Variants in GMPS observed in about 807,000 individuals in gnomAD.
GMPS encodes the protein GMP synthase [glutamine-hydrolyzing].
Under a neutral mutation model 77.9 loss-of-function variants are expected in GMPS, and 15 were observed. The ratio of observed to expected loss-of-function variants is 0.19; its 90% CI spans 0.13 to 0.30. GMPS has a LOEUF of 0.30. GMPS is among the 10% of genes least tolerant of loss of function. GMPS has a pLI of 1.00. For missense variants in GMPS, 590 were observed against 838.8 expected (o/e 0.70, Z 3.66); for synonymous variants, 224 against 275.9 (o/e 0.81, Z 1.86).
At position 155,939,171 on chromosome 3, in the gene GMPS, C is replaced by A. The variant is rs1214099648; in HGVS notation, c.*1479C>A. The A allele has an allele frequency of 9.1e-6, 2 of 219,992 alleles. No individual in the cohort carries two copies. Among genetic ancestry groups the A allele is most frequent in the African/African-American group, 4.5e-5 (2 of 44,580 alleles). 13.6% of individuals were successfully genotyped at this position (219,992 alleles called of 1,614,324 possible). ...GTCCCCAAGACAAAGGGGTACTTGA[C>A]TCCTACAAAACTTAAAGGGTACATT... On this transcript the variant is annotated 3_prime_UTR_variant, in exon 16 of 16. Transcript: ENST00000496455.
At chr3:155,878,481 C>G (rs1275279613) in intron 1 of GMPS, among the ~76,000 whole-genome samples, 1 of 152,086 alleles carries the variant, frequency 6.6e-6, no homozygotes, top group Non-Finnish European at 1.5e-5. Context: ...AAGTTTTTAT[C>G]TAGACAAAAG....
At chr3:155,922,124 A>G in intron 10 of GMPS, 63 bp from the exon 11 acceptor site, 1 of 667,680 alleles carries the variant, frequency 1.5e-6, no homozygotes, top group East Asian at 3.3e-5. Context: ...GCATTTTTAT[A>G]TTAGATTTTT....
Position 155,941,089 on chromosome 3 carries a change from G to A in GMPS, c.*3397G>A, listed in dbSNP as rs2108160816. 1 of 186,434 alleles carries A rather than the reference G, an allele frequency of 5.4e-6. No homozygotes were observed. The highest frequency in any genetic ancestry group is 8.6e-5 in the East Asian group (1 of 11,618). The allele number at this position is 186,434 out of a possible 1,614,324, so 11.5% of individuals were successfully genotyped here. A position where few individuals can be genotyped will look rare whatever the true frequency, so the allele number is the denominator to read the frequency against. ...CTGCATGGAAGAGGAAATGCTCTAG[G>A]GCCCTTCAGGGCAAATCTTAAAAGG... is the stretch of plus-strand genomic sequence containing the variant. On this transcript the variant is annotated 3_prime_UTR_variant, in exon 16 of 16. Coordinates refer to ENST00000496455, the MANE Select transcript of GMPS (RefSeq NM_003875.3).
rs1464194620 is a variant in GMPS, at chr3:155,910,857, A to C, written c.692A>C (p.Lys231Thr). The C allele has an allele frequency of 6.3e-7, 1 of 1,596,102 alleles. No individual in the cohort carries two copies. Among genetic ancestry groups the C allele is most frequent in the South Asian group, 1.1e-5 (1 of 86,996 alleles). The change falls in exon 6 of 16, where the codon AAA becomes ACA. Residue 231 changes from lysine to threonine, a missense_variant. Physicochemically the swap from Lys to Thr is moderately conservative, Grantham distance 78. Around this residue, in one of 6 missense-constraint regions of GMPS, gnomAD observed 181 missense variants for 186.8 expected, o/e 0.97. Transcript: ENST00000496455. ...NRELECIREI[K>T]ERVGTSKVLV... Reference sequence around the variant, plus strand: ...GAACTTGAGTGTATTCGAGAGATCAAAGAGAGAGTAGGCACGTCAAAAGTT... The same window carrying C: ...GAACTTGAGTGTATTCGAGAGATCACAGAGAGAGTAGGCACGTCAAAAGTT...
intron 1 of GMPS, among the ~76,000 whole-genome samples, chr3:155,876,513 G>T (rs1401954646): frequency 1.3e-5 from 2 of 152,200 alleles, no homozygotes; most frequent in African/African-American, 4.8e-5. Flanking sequence ...TAAGGTGAAA[G>T]TTTAACAAAC....
At position 155,939,382 on chromosome 3, in the gene GMPS, T is replaced by C. The variant is rs563305223; in HGVS notation, c.*1690T>C. On this transcript the variant is annotated 3_prime_UTR_variant, in exon 16 of 16. Transcript: ENST00000496455. ...AAAAATTTCTAGCCACAGTGTCTTA[T>C]GATTTTGTATTGAAGCAAACAGTAG... is the stretch of plus-strand genomic sequence containing the variant. The C allele has an allele frequency of 2.4e-5, 5 of 207,626 alleles. No individual in the cohort carries two copies. Among genetic ancestry groups the C allele is most frequent in the African/African-American group, 4.5e-5 (2 of 44,090 alleles). The allele number at this position is 207,626 out of a possible 1,614,324, so 12.9% of individuals were successfully genotyped here. A position where few individuals can be genotyped will look rare whatever the true frequency, so the allele number is the denominator to read the frequency against.
chr3:155,911,393 A>C (rs1252719576), intron 7 of GMPS, 114 bp downstream of exon 7: 1 of 600,226 alleles, frequency 1.7e-6, no homozygotes, highest in Non-Finnish European at 2.7e-6. Flanking sequence ...CAAGGTTGAA[A>C]ATGTTTTTTA....
chr3:155,940,746 T>TTG lies in GMPS; in HGVS notation c.*3055_*3056insGT, dbSNP rs1553789743. ...AATGGAGAAGCTGGATAGTGTTTTT[T>TTG]TTTTTTTTTTTTAAGGTTCTTTTAT... On this transcript the variant is annotated 3_prime_UTR_variant, in exon 16 of 16. Coordinates refer to ENST00000496455, the MANE Select transcript of GMPS (RefSeq NM_003875.3). The TTG allele has an allele frequency of 4.5e-6, 1 of 222,284 alleles. No individual in the cohort carries two copies. Among genetic ancestry groups the TTG allele is most frequent in the African/African-American group, 2.2e-5 (1 of 44,568 alleles). 13.8% of individuals were successfully genotyped at this position (222,284 alleles called of 1,614,324 possible).
intron 1 of GMPS, among the ~76,000 whole-genome samples, chr3:155,891,408 G>T (rs143371605): frequency 1.3e-5 from 2 of 152,170 alleles, no homozygotes; most frequent in Non-Finnish European, 2.9e-5. Context: ...AGGGGTGTGT[G>T]TATGTGTATA....
At position 155,898,000 on chromosome 3, in the gene GMPS, A is replaced by T; in HGVS notation, c.283A>T (p.Thr95Ser). ...TCCCTGGTTTGATCCAGCAATATTC[A>T]CTATTGGCAAGCCTGTTCTTGGAAT... is the stretch of plus-strand genomic sequence containing the variant. The part of the protein sequence containing the change: ...DAPWFDPAIF[T>S]IGKPVLGICY... The change falls in exon 3 of 16, where the codon ACT becomes TCT. Residue 95 changes from threonine (T) to serine (S), a missense_variant. Coordinates refer to ENST00000496455, the MANE Select transcript of GMPS (RefSeq NM_003875.3). 6.2e-7 allele frequency: 1 copy of T among 1,610,654 alleles called. No homozygotes were observed. Among genetic ancestry groups the T allele is most frequent in the Non-Finnish European group, 8.5e-7 (1 of 1,176,920 alleles).
chr3:155,939,597 A>T lies in GMPS; in HGVS notation c.*1905A>T, dbSNP rs568475015. 2.5e-4 allele frequency: 49 copies of T among 198,452 alleles called. No individual in the cohort carries two copies. Among genetic ancestry groups the T allele is most frequent in the Middle Eastern group, 3.5e-3 (2 of 576 alleles). The allele number at this position is 198,452 out of a possible 1,614,324, so 12.3% of individuals were successfully genotyped here. On this transcript the variant is annotated 3_prime_UTR_variant, in exon 16 of 16. Coordinates refer to ENST00000496455, the MANE Select transcript of GMPS (RefSeq NM_003875.3). ...TTCTGAAGTTAAAAACAATTGTTAAATTCTGCTTAAATTAGTGTTTTCCTG... is the reference window on the plus strand; with the variant it reads ...TTCTGAAGTTAAAAACAATTGTTAATTTCTGCTTAAATTAGTGTTTTCCTG...
In GMPS at chr3:155,942,125, G is replaced by A. The variant is rs1418359266; in HGVS notation, c.*4433G>A. 1.1e-5 allele frequency: 2 copies of A among 188,592 alleles called. No homozygotes were observed. Among genetic ancestry groups the A allele is most frequent in the Non-Finnish European group, 1.1e-5 (1 of 89,958 alleles). The allele number at this position is 188,592 out of a possible 1,614,324, so 11.7% of individuals were successfully genotyped here. On this transcript the variant is annotated 3_prime_UTR_variant, in exon 16 of 16. Transcript: ENST00000496455. Reference sequence around the variant, plus strand: ...TGTTTTTTTTTTAAGACAGAGTCTCGCTCTGTCCCCAAGTGCAGTGGCACA... The same window carrying A: ...TGTTTTTTTTTTAAGACAGAGTCTCACTCTGTCCCCAAGTGCAGTGGCACA...
chr3:155,919,146 C>T, intron 9 of GMPS, 87 bp from the exon 10 acceptor site: 1 of 611,286 alleles, frequency 1.6e-6, no homozygotes, highest in Non-Finnish European at 2.9e-6. Context: ...AAAGTGGTAA[C>T]AGGAAAAGCC....
chr3:155,901,111 T>C (rs1369106511), intron 3 of GMPS, among the ~76,000 whole-genome samples: 1 of 152,168 alleles, frequency 6.6e-6, no homozygotes, highest in Non-Finnish European at 1.5e-5. Context: ...TGGTAGAGCT[T>C]TTGAAACTTT....
At chr3:155,928,049 T>C (rs1365213173) in intron 12 of GMPS, among the ~76,000 whole-genome samples, 3 of 120,976 alleles carry the variant, frequency 2.5e-5, no homozygotes, top group Non-Finnish European at 4.9e-5. Context: ...TTTTTTGAGA[T>C]GGAGTCTTGC....
At chr3:155,896,729 ATTTTTTTTT>A (rs1020255894) in intron 2 of GMPS, among the ~76,000 whole-genome samples, 1 of 92,056 alleles carries the variant, frequency 1.1e-5, no homozygotes, top group Non-Finnish European at 2.2e-5. Flanking sequence ...CCTTACTGAG[ATTTTTTTTT>A]TTTTTTTTTT....
chr3:155,920,129 C>T (rs1465619081), intron 10 of GMPS, among the ~76,000 whole-genome samples: 1 of 152,166 alleles, frequency 6.6e-6, no homozygotes, highest in Non-Finnish European at 1.5e-5. Context: ...TCCTGTTTTA[C>T]AGATGAAGAA....
chr3:155,881,026 A>G (rs932317763), intron 1 of GMPS, among the ~76,000 whole-genome samples: 1 of 152,134 alleles, frequency 6.6e-6, no homozygotes, highest in South Asian at 2.1e-4. Context: ...TTTTACTTAC[A>G]TTCTTATGTA....
intron 5 of GMPS, among the ~76,000 whole-genome samples, chr3:155,910,394 C>T (rs1755008208): frequency 6.6e-6 from 1 of 151,734 alleles, no homozygotes; most frequent in South Asian, 2.1e-4. Flanking sequence ...ATAGTGAAAC[C>T]CTATCTCTAC....
Sources: allele counts gnomAD v4.1 joint callset (sites outside exome capture counted in the v4.1 genomes callset), GRCh38; gene constraint gnomAD v4.1.1; regional missense constraint gnomAD v4.1.1; transcripts MANE v1.5; gene names NCBI Gene and HGNC (gene_info 2026-07-23, HGNC 2026-07-21).